Variants in SPAG16 observed in about 807,000 individuals in gnomAD.
SPAG16 encodes the protein sperm associated antigen 16, also known as sperm-associated antigen 16 protein.
SPAG16 carries 86 observed loss-of-function variants against 80.4 expected under a neutral mutation model. The ratio of observed to expected loss-of-function variants is 1.07; its 90% CI spans 0.90 to 1.28. SPAG16 has a LOEUF of 1.28. Ranked by LOEUF, SPAG16 falls within the 50% of genes most tolerant of loss-of-function variation. The probability of loss-of-function intolerance (pLI) is 0.00; values close to 1 mark genes in which losing one functional copy is unlikely to be tolerated. For synonymous variants in SPAG16, 294 were observed against 265.9 expected (o/e 1.11, Z -1.03); for missense variants, 870 against 765.3 (o/e 1.14, Z -1.61).
At chr2:213,431,410 A>G (rs1297128091) in intron 9 of SPAG16, among the ~76,000 whole-genome samples, 1 of 152,080 alleles carries the variant, frequency 6.6e-6, no homozygotes, top group Admixed American at 6.6e-5. Context: ...TGGTAAAAAA[A>G]AAAGATATTC....
At chr2:214,059,202 A>ATATATGTATGTGTG (rs1553706162) in intron 13 of SPAG16, among the ~76,000 whole-genome samples, 1 of 107,332 alleles carries the variant, frequency 9.3e-6, no homozygotes, top group African/African-American at 3.6e-5. Context: ...ATATATATAT[A>ATATATGTATGTGTG]TATATATATA....
At chr2:213,905,905 T>C (rs1167503877) in intron 11 of SPAG16, among the ~76,000 whole-genome samples, 1 of 152,188 alleles carries the variant, frequency 6.6e-6, no homozygotes, top group Non-Finnish European at 1.5e-5. Flanking sequence ...TGCCTAGATG[T>C]TCTGAAGGAA....
intron 11 of SPAG16, among the ~76,000 whole-genome samples, chr2:213,925,766 T>C (rs1486079320): frequency 6.6e-6 from 1 of 152,250 alleles, no homozygotes; most frequent in African/African-American, 2.4e-5. Context: ...TGTTTAAGTG[T>C]TTTAGAGATA....
intron 5 of SPAG16, among the ~76,000 whole-genome samples, chr2:213,324,273 A>T (rs113474128): frequency 4.7e-4 from 71 of 152,036 alleles, no homozygotes; most frequent in Middle Eastern, 3.4e-3. Flanking sequence ...ATAATATATA[A>T]TTTTTACAGT....
At chr2:213,553,839 C>T (rs2059336995) in intron 10 of SPAG16, among the ~76,000 whole-genome samples, 1 of 152,176 alleles carries the variant, frequency 6.6e-6, no homozygotes, top group Non-Finnish European at 1.5e-5. Context: ...TCTGCTCTAA[C>T]CTCAGGGCCA....
intron 15 of SPAG16, among the ~76,000 whole-genome samples, chr2:214,250,633 A>C (rs1395663125): frequency 2.7e-5 from 4 of 146,312 alleles, no homozygotes; most frequent in Non-Finnish European, 6.0e-5. Flanking sequence ...AAAAATATAT[A>C]AATATTTATA....
chr2:213,379,249 A>C lies in SPAG16; in HGVS notation c.942+4130A>C, dbSNP rs186347471. On this transcript the variant is annotated intron_variant, in intron 9 of 15. Transcript: ENST00000331683. Reference sequence around the variant, plus strand: ...CACCCCTTGGTTCCTGGAACCATGAATCCTGGCTATGGGAGAAACAGTACC... The same window carrying C: ...CACCCCTTGGTTCCTGGAACCATGACTCCTGGCTATGGGAGAAACAGTACC... Among the ~76,000 whole-genome samples the C allele has an allele frequency of 1.7e-3, 259 of 152,274 alleles. 2 individuals are homozygous for C. The highest frequency in any genetic ancestry group is 1.8e-3 in the Admixed American group (27 of 15,298).
chr2:213,905,483 T>A (rs1006260375), intron 11 of SPAG16, among the ~76,000 whole-genome samples: 8 of 152,212 alleles, frequency 5.3e-5, no homozygotes, highest in Non-Finnish European at 1.0e-4. Flanking sequence ...CTTGAAGAAG[T>A]GTTTGAATTA....
chr2:214,089,645 C>G (rs1194859721), intron 13 of SPAG16, among the ~76,000 whole-genome samples: 1 of 151,992 alleles, frequency 6.6e-6, no homozygotes, highest in Non-Finnish European at 1.5e-5. Flanking sequence ...TATGTAACAA[C>G]ATTTTTAGCA....
At chr2:214,010,388 GA>G (rs1025839810) in intron 12 of SPAG16, among the ~76,000 whole-genome samples, 1 of 146,114 alleles carries the variant, frequency 6.8e-6, no homozygotes, top group East Asian at 2.0e-4. Flanking sequence ...AGGAGAAAGA[GA>G]AAAAAAAGTC....
At chr2:213,876,514 G>T (rs1055858828) in intron 11 of SPAG16, among the ~76,000 whole-genome samples, 1 of 152,086 alleles carries the variant, frequency 6.6e-6, no homozygotes, top group Non-Finnish European at 1.5e-5. Flanking sequence ...AAGTAGAAGA[G>T]ATTACACCAG....
intron 9 of SPAG16, among the ~76,000 whole-genome samples, chr2:213,436,788 T>G (rs994257771): frequency 8.5e-5 from 13 of 152,198 alleles, no homozygotes; most frequent in African/African-American, 3.1e-4. Flanking sequence ...TTCTTCTCTT[T>G]TATGGGAACA....
At chr2:214,049,607 C>T (rs2049526693) in intron 13 of SPAG16, among the ~76,000 whole-genome samples, 1 of 151,990 alleles carries the variant, frequency 6.6e-6, no homozygotes, top group African/African-American at 2.4e-5. Context: ...TCCATCATAC[C>T]ATATAGTATT....
At chr2:213,598,787 C>A (rs968909722) in intron 10 of SPAG16, among the ~76,000 whole-genome samples, 1 of 152,098 alleles carries the variant, frequency 6.6e-6, no homozygotes, top group African/African-American at 2.4e-5. Flanking sequence ...AAATTCCAGG[C>A]AGCAGTTTCA....
chr2:213,998,665 C>T (rs2046642909), intron 12 of SPAG16, among the ~76,000 whole-genome samples: 1 of 152,100 alleles, frequency 6.6e-6, no homozygotes, highest in African/African-American at 2.4e-5. Flanking sequence ...GAGGTTGGAA[C>T]AGATTGAAGA....
intron 14 of SPAG16, among the ~76,000 whole-genome samples, chr2:214,110,239 A>G (rs894346367): frequency 3.3e-5 from 5 of 152,126 alleles, no homozygotes; most frequent in Non-Finnish European, 7.4e-5. Flanking sequence ...TCCTGCATCC[A>G]TCAACTCATC....
intron 10 of SPAG16, among the ~76,000 whole-genome samples, chr2:213,593,031 C>G (rs1433920190): frequency 6.6e-6 from 1 of 150,492 alleles, no homozygotes; most frequent in Non-Finnish European, 1.5e-5. Context: ...TTTCTATATT[C>G]TTGCTTTTAT....
chr2:213,932,722 C>G (rs554746702), intron 12 of SPAG16, among the ~76,000 whole-genome samples: 1 of 152,142 alleles, frequency 6.6e-6, no homozygotes, highest in East Asian at 1.9e-4. Flanking sequence ...TAGTTCCTCA[C>G]CAAAAAGTTG....
chr2:213,914,485 C>CAT (rs752254419), intron 11 of SPAG16, among the ~76,000 whole-genome samples: 2 of 152,000 alleles, frequency 1.3e-5, no homozygotes, highest in African/African-American at 2.4e-5. Flanking sequence ...ATTATTCTAT[C>CAT]ATATATATAG....
Sources: allele counts gnomAD v4.1 joint callset (sites outside exome capture counted in the v4.1 genomes callset), GRCh38; gene constraint gnomAD v4.1.1; transcripts MANE v1.5; gene names NCBI Gene and HGNC (gene_info 2026-07-23, HGNC 2026-07-21).